SRRM4: variants seen among roughly 807,000 people sequenced by gnomAD.
SRRM4 encodes the protein serine/arginine repetitive matrix 4.
Under a neutral mutation model 68.9 loss-of-function variants are expected in SRRM4, and 33 were observed. The observed-to-expected ratio is 0.48, with a 90% CI of 0.36 to 0.64. The LOEUF (loss-of-function observed/expected upper bound fraction) is 0.64, where lower values mean the gene tolerates loss of function less well. Ranked by LOEUF, SRRM4 falls within the 30% of genes least tolerant of loss-of-function variation. The probability of loss-of-function intolerance (pLI) is 0.00; values close to 1 mark genes in which losing one functional copy is unlikely to be tolerated. For missense variants in SRRM4, 817 were observed against 827.1 expected (o/e 0.99, Z 0.15); for synonymous variants, 318 against 318.8 (o/e 1.00, Z 0.03).
At chr12:119,143,402 C>T (rs1211510732) in intron 8 of SRRM4, among the ~76,000 whole-genome samples, 1 of 152,104 alleles carries the variant, frequency 6.6e-6, no homozygotes, top group Non-Finnish European at 1.5e-5. Context: ...AGAAGAAGAC[C>T]CACAAATTAG....
At chr12:119,024,232 AC>A (rs1399975956) in intron 1 of SRRM4, among the ~76,000 whole-genome samples, 1 of 152,072 alleles carries the variant, frequency 6.6e-6, no homozygotes, top group Non-Finnish European at 1.5e-5. Context: ...AAGTCATCCA[AC>A]ATGTTGAGGC....
At chr12:119,123,702 T>C (rs889270589) in intron 6 of SRRM4, among the ~76,000 whole-genome samples, 2 of 152,206 alleles carry the variant, frequency 1.3e-5, no homozygotes, top group Non-Finnish European at 2.9e-5. Flanking sequence ...AACGATGGCT[T>C]ATTCTTACCA....
intron 7 of SRRM4, 140 bp from the exon 8 acceptor site, chr12:119,130,538 C>G: frequency 2.7e-6 from 2 of 747,662 alleles, no homozygotes; most frequent in South Asian, 2.0e-5. Context: ...TGCAGACATA[C>G]CTAGGAACAA....
At chr12:119,012,667 T>G (rs1953457711) in intron 1 of SRRM4, among the ~76,000 whole-genome samples, 1 of 152,176 alleles carries the variant, frequency 6.6e-6, no homozygotes, top group Non-Finnish European at 1.5e-5. Flanking sequence ...CTGAGCCAAA[T>G]TCTTCCTTCA....
intron 1 of SRRM4, among the ~76,000 whole-genome samples, chr12:119,088,161 G>A (rs1953991044): frequency 6.6e-6 from 1 of 152,064 alleles, no homozygotes; most frequent in South Asian, 2.1e-4. Context: ...GGGCCACATT[G>A]GTAGGTTCTG....
chr12:119,123,145 G>A lies in SRRM4; in HGVS notation c.515+1025G>A, dbSNP rs150007474. Among the ~76,000 whole-genome samples, 104 of 152,310 alleles carry A rather than the reference G, an allele frequency of 6.8e-4. No individual in the cohort carries two copies. The East Asian group carries it at 8.1e-3, about 12-fold the overall frequency. On this transcript the variant is annotated intron_variant, in intron 6 of 12. Transcript: ENST00000267260. ...ATGAAAGGTAGTCGACTGCCAGGGA[G>A]GAAAAAGAGGAGGCAGGGATGCAGA...
Position 118,981,614 on chromosome 12 carries a change from T to C in SRRM4, c.-269T>C. The C allele has an allele frequency of 2.5e-6, 1 of 403,600 alleles. No individual in the cohort carries two copies. The highest frequency in any genetic ancestry group is 4.4e-6 in the Non-Finnish European group (1 of 225,744). The allele number at this position is 403,600 out of a possible 1,614,324, so 25.0% of individuals were successfully genotyped here. On this transcript the variant is annotated 5_prime_UTR_variant, in exon 1 of 13. Transcript: ENST00000267260. ...CCCAGAAAGCCAGCCCTCCCTTCCC[T>C]TCTTGGGGCGCAGAGGCTCAGCCAG...
At chr12:119,126,678 A>G (rs1460681986) in intron 7 of SRRM4, among the ~76,000 whole-genome samples, 1 of 152,196 alleles carries the variant, frequency 6.6e-6, no homozygotes, top group African/African-American at 2.4e-5. Context: ...TGATGAGAAG[A>G]AGGAGGAAGG....
At chr12:118,983,207 C>G (rs1481837634) in intron 1 of SRRM4, among the ~76,000 whole-genome samples, 1 of 152,154 alleles carries the variant, frequency 6.6e-6, no homozygotes, top group Admixed American at 6.5e-5. Context: ...AGAATCAAAG[C>G]CAGATTGGAG....
In SRRM4 at chr12:119,145,494, C is replaced by T; in HGVS notation, c.885C>T (p.Pro295=). Residue 295 remains proline, a synonymous_variant, in exon 9 of 13, where the codon CCC becomes CCT. Transcript: ENST00000267260. ...YDSGNDTSSP[P]STQTSSARSR... is the part of the protein sequence containing the mutation. ...CAGGAAATGACACGTCCTCGCCACC[C>T]TCCACGCAAACCAGCTCAGCCAGGT... 6.2e-7 allele frequency: 1 copy of T among 1,610,914 alleles called. No individual in the cohort carries two copies. The highest frequency in any genetic ancestry group is 8.5e-7 in the Non-Finnish European group (1 of 1,178,426).
At chr12:119,030,642 C>T (rs1043441848) in intron 1 of SRRM4, among the ~76,000 whole-genome samples, 2 of 152,186 alleles carry the variant, frequency 1.3e-5, no homozygotes, top group African/African-American at 4.8e-5. Flanking sequence ...ATATCTCTCT[C>T]ACAAAATTAC....
chr12:119,101,938 TGATG>T (rs1227971779), intron 1 of SRRM4, among the ~76,000 whole-genome samples: 3 of 152,320 alleles, frequency 2.0e-5, no homozygotes, highest in Non-Finnish European at 4.4e-5. Flanking sequence ...TTGCAAAGTC[TGATG>T]TGGTGAAGGC....
At chr12:119,078,980 G>A (rs941955264) in intron 1 of SRRM4, among the ~76,000 whole-genome samples, 1 of 152,152 alleles carries the variant, frequency 6.6e-6, no homozygotes, top group Admixed American at 6.5e-5. Flanking sequence ...CTTTAAGGAC[G>A]CACTCTGGGC....
intron 1 of SRRM4, among the ~76,000 whole-genome samples, chr12:119,079,673 A>G (rs193140683): frequency 4.6e-5 from 7 of 152,286 alleles, no homozygotes; most frequent in African/African-American, 9.6e-5. Context: ...ACTGCAAAGG[A>G]AAGAGGACTT....
chr12:119,119,265 A>T (rs1378707781), intron 4 of SRRM4, among the ~76,000 whole-genome samples: 1 of 151,912 alleles, frequency 6.6e-6, no homozygotes, highest in Non-Finnish European at 1.5e-5. Flanking sequence ...TTAAAAAATG[A>T]TTTTTCACAT....
intron 1 of SRRM4, among the ~76,000 whole-genome samples, chr12:119,066,288 TCA>T (rs10533099): frequency 0.049 from 7,526 of 152,194 alleles, 261 homozygotes; most frequent in East Asian, 0.12. Flanking sequence ...CACAACAAAC[TCA>T]CAGTGTTGAC....
chr12:118,999,804 G>A (rs1211573736), intron 1 of SRRM4, among the ~76,000 whole-genome samples: 2 of 152,132 alleles, frequency 1.3e-5, no homozygotes, highest in African/African-American at 2.4e-5. Context: ...TCTATCCTAT[G>A]CTACCTCTGT....
chr12:118,987,766 C>T lies in SRRM4; in HGVS notation c.131+5753C>T, dbSNP rs370785654. On this transcript the variant is annotated intron_variant, in intron 1 of 12. Coordinates refer to ENST00000267260, the MANE Select transcript of SRRM4 (RefSeq NM_194286.4). The stretch of plus-strand genomic sequence containing the variant: ...ATTAATAATAAATGATAGGTTTTTT[C>T]GTTACTATTTGCCAGGCCCATTGGG... 5.9e-5 allele frequency among the ~76,000 whole-genome samples: 9 copies of T among 152,110 alleles called. No individual in the cohort carries two copies. The East Asian group carries it at 7.7e-4, about 13-fold the overall frequency.
At chr12:119,053,216 T>C (rs145129626) in intron 1 of SRRM4, among the ~76,000 whole-genome samples, 7 of 152,326 alleles carry the variant, frequency 4.6e-5, no homozygotes, top group Non-Finnish European at 1.0e-4. Flanking sequence ...GTTCTCTTGT[T>C]TTCATTTGTA....
Sources: allele counts gnomAD v4.1 joint callset (sites outside exome capture counted in the v4.1 genomes callset), GRCh38; gene constraint gnomAD v4.1.1; transcripts MANE v1.5; gene names NCBI Gene and HGNC (gene_info 2026-07-23, HGNC 2026-07-21).